Variants in NEGR1 observed in about 807,000 individuals in gnomAD.
NEGR1 encodes neuronal growth regulator 1.
A neutral mutation model predicts 40.9 loss-of-function variants in NEGR1; 10 were observed. The observed-to-expected ratio is 0.24, with a 90% CI of 0.15 to 0.42. The LOEUF is 0.42. Ranked by LOEUF, NEGR1 falls within the 10% of genes least tolerant of loss-of-function variation. The pLI, the probability that NEGR1 is intolerant of heterozygous loss-of-function variation, is 1.00. For synonymous variants in NEGR1, 185 were observed against 166.8 expected (o/e 1.11, Z -0.84); for missense variants, 352 against 438.9 (o/e 0.80, Z 1.77).
intron 3 of NEGR1, among the ~76,000 whole-genome samples, chr1:71,734,461 AG>A (rs148536129): frequency 0.016 from 2,487 of 152,310 alleles, 55 homozygotes; most frequent in African/African-American, 0.049. Context: ...GCATGTAGTA[AG>A]AGCTCAATAA....
intron 1 of NEGR1, among the ~76,000 whole-genome samples, chr1:72,170,479 A>G (rs1651922684): frequency 6.6e-6 from 1 of 152,124 alleles, no homozygotes; most frequent in African/African-American, 2.4e-5. Context: ...CTGGCACATG[A>G]TAGGTATTCA....
intron 2 of NEGR1, among the ~76,000 whole-genome samples, chr1:71,909,229 C>T (rs1468938723): frequency 6.6e-6 from 1 of 152,102 alleles, no homozygotes; most frequent in East Asian, 1.9e-4. Context: ...CCTGCTGCCA[C>T]GTAGCAGGGC....
intron 2 of NEGR1, among the ~76,000 whole-genome samples, chr1:71,868,164 C>A (rs924007384): frequency 1.3e-5 from 2 of 152,046 alleles, no homozygotes; most frequent in African/African-American, 4.8e-5. Context: ...ATCTCTCCAG[C>A]GTGTTTTTTA....
At chr1:71,820,904 G>A (rs1430594334) in intron 2 of NEGR1, among the ~76,000 whole-genome samples, 4 of 151,904 alleles carry the variant, frequency 2.6e-5, no homozygotes, top group Non-Finnish European at 5.9e-5. Context: ...TCTGAACCCT[G>A]GAAAAACAAG....
chr1:72,184,019 A>G lies in NEGR1; in HGVS notation c.176+98300T>C, dbSNP rs1012794207. 2.6e-5 allele frequency among the ~76,000 whole-genome samples: 4 copies of G among 152,116 alleles called. No homozygotes were observed. The East Asian group carries it at 5.8e-4, about 22-fold the overall frequency. ...ATCCAACAAGTTTAACTTATTGTAG[A>G]ACTGTAATTGAACAGCCGTATATAA... On this transcript the variant is annotated intron_variant, in intron 1 of 6. Coordinates refer to ENST00000357731, the MANE Select transcript of NEGR1 (RefSeq NM_173808.3).
chr1:72,104,302 A>C (rs1172400809), intron 1 of NEGR1, among the ~76,000 whole-genome samples: 1 of 152,162 alleles, frequency 6.6e-6, no homozygotes, highest in Non-Finnish European at 1.5e-5. Context: ...GGTTGGGCCC[A>C]ATGTAATCAT....
At chr1:72,164,721 C>CT (rs1651706017) in intron 1 of NEGR1, among the ~76,000 whole-genome samples, 3 of 151,710 alleles carry the variant, frequency 2.0e-5, no homozygotes, top group Admixed American at 2.0e-4. Context: ...GTTGTCTTCA[C>CT]TTTTTTTTCT....
chr1:71,949,843 C>G (rs184057328), intron 1 of NEGR1, among the ~76,000 whole-genome samples: 2 of 152,162 alleles, frequency 1.3e-5, no homozygotes, highest in East Asian at 3.9e-4. Context: ...CTAGCCTTGA[C>G]ACACTGAAAG....
At chr1:71,734,524 C>G (rs1409929999) in intron 3 of NEGR1, among the ~76,000 whole-genome samples, 1 of 152,126 alleles carries the variant, frequency 6.6e-6, no homozygotes, top group Non-Finnish European at 1.5e-5. Flanking sequence ...TCCTTTCTTT[C>G]TCCTATGTTA....
chr1:72,135,375 C>CAAAAAAAAAAAAACAAAAAACAAAA (rs1650414741), intron 1 of NEGR1, among the ~76,000 whole-genome samples: 1 of 71,384 alleles, frequency 1.4e-5, no homozygotes, highest in Non-Finnish European at 2.6e-5. Context: ...GACTCCGTCT[C>CAAAAAAAAAAAAACAAAAAACAAAA]AAAAAAAAAA....
intron 1 of NEGR1, among the ~76,000 whole-genome samples, chr1:72,072,011 A>C (rs528408739): frequency 7.9e-5 from 12 of 152,278 alleles, no homozygotes; most frequent in African/African-American, 2.4e-4. Context: ...TTATGCAAAA[A>C]GCAAACTCTT....
At chr1:72,131,115 C>T (rs1282089098) in intron 1 of NEGR1, among the ~76,000 whole-genome samples, 2 of 152,108 alleles carry the variant, frequency 1.3e-5, no homozygotes, top group African/African-American at 4.8e-5. Context: ...AGTCTCCTGA[C>T]CAACTTGTTA....
chr1:72,060,337 G>T (rs896612247), intron 1 of NEGR1, among the ~76,000 whole-genome samples: 3 of 151,540 alleles, frequency 2.0e-5, no homozygotes, highest in African/African-American at 7.3e-5. Flanking sequence ...CCGTACTATT[G>T]CTCTGAATTA....
At chr1:72,237,304 A>G (rs756081810) in intron 1 of NEGR1, among the ~76,000 whole-genome samples, 2 of 152,032 alleles carry the variant, frequency 1.3e-5, no homozygotes, top group Admixed American at 6.6e-5. Context: ...AGAGAATCAT[A>G]TATTTTAAAT....
intron 3 of NEGR1, among the ~76,000 whole-genome samples, chr1:71,740,283 G>A (rs933805874): frequency 6.6e-6 from 1 of 152,062 alleles, no homozygotes; most frequent in East Asian, 1.9e-4. Context: ...CTCAGTAAAT[G>A]GTGAATGAAT....
chr1:72,231,212 C>T (rs1189589617), intron 1 of NEGR1, among the ~76,000 whole-genome samples: 5 of 152,186 alleles, frequency 3.3e-5, no homozygotes, highest in African/African-American at 1.2e-4. Flanking sequence ...CTGTCAACAG[C>T]TTCCATAGCT....
At chr1:72,152,053 C>A (rs1335240281) in intron 1 of NEGR1, among the ~76,000 whole-genome samples, 1 of 151,754 alleles carries the variant, frequency 6.6e-6, no homozygotes, top group African/African-American at 2.4e-5. Flanking sequence ...ATACTGCATA[C>A]AACAGACAAG....
chr1:72,192,185 C>A (rs1276777973), intron 1 of NEGR1, among the ~76,000 whole-genome samples: 1 of 151,762 alleles, frequency 6.6e-6, no homozygotes, highest in Non-Finnish European at 1.5e-5. Context: ...GGGTGCTGAG[C>A]AGCAAAATTT....
chr1:72,114,753 A>C (rs1450007555), intron 1 of NEGR1, among the ~76,000 whole-genome samples: 5 of 151,834 alleles, frequency 3.3e-5, no homozygotes, highest in African/African-American at 1.2e-4. Context: ...AAAGCAAGAC[A>C]GATTTGAGAG....
Sources: gnomAD v4.1 joint callset for allele counts (sites outside exome capture counted in the v4.1 genomes callset) on GRCh38, gnomAD v4.1.1 for gene constraint, MANE v1.5 for transcripts, NCBI Gene and HGNC (gene_info 2026-07-23, HGNC 2026-07-21) for gene names.